KCNH8: variants seen among roughly 807,000 people sequenced by gnomAD.
The protein encoded by KCNH8 is potassium voltage-gated channel subfamily H member 8, also known as voltage-gated delayed rectifier potassium channel KCNH8.
A neutral mutation model predicts 103.6 loss-of-function variants in KCNH8; 70 were observed. The ratio of observed to expected loss-of-function variants is 0.68; its 90% CI spans 0.56 to 0.82. The LOEUF (loss-of-function observed/expected upper bound fraction) is 0.82, where lower values mean the gene tolerates loss of function less well. Among genes scored for constraint, KCNH8 ranks in the 40% least tolerant of loss-of-function variants. KCNH8 has a pLI of 0.00. For synonymous variants in KCNH8, 498 were observed against 489.4 expected (o/e 1.02, Z -0.23); for missense variants, 1,217 against 1,329.9 (o/e 0.92, Z 1.32).
chr3:19,251,151 C>T (rs2064271562), intron 1 of KCNH8, among the ~76,000 whole-genome samples: 1 of 152,098 alleles, frequency 6.6e-6, no homozygotes, highest in Admixed American at 6.6e-5. Context: ...TAGGAGGGTG[C>T]CCCCCTCTGG....
intron 11 of KCNH8, among the ~76,000 whole-genome samples, chr3:19,500,854 C>T (rs1160400675): frequency 2.0e-5 from 3 of 152,122 alleles, no homozygotes; most frequent in Non-Finnish European, 4.4e-5. Flanking sequence ...GACACCCTAA[C>T]ATGACAATTA....
At chr3:19,195,874 T>C (rs554889932) in intron 1 of KCNH8, among the ~76,000 whole-genome samples, 38 of 152,038 alleles carry the variant, frequency 2.5e-4, no homozygotes, top group Non-Finnish European at 4.7e-4. Flanking sequence ...TGGATTTTCC[T>C]GTTCCTTGGT....
intron 1 of KCNH8, among the ~76,000 whole-genome samples, chr3:19,246,128 T>G (rs1268649656): frequency 6.6e-6 from 1 of 152,106 alleles, no homozygotes; most frequent in Non-Finnish European, 1.5e-5. Context: ...CTTAATGAGC[T>G]TTCACCTTTG....
chr3:19,197,306 C>T (rs116297364), intron 1 of KCNH8, among the ~76,000 whole-genome samples: 320 of 152,030 alleles, frequency 2.1e-3, no homozygotes, highest in African/African-American at 7.3e-3. Context: ...TTTGTTTTCT[C>T]GGATTTAGTT....
intron 5 of KCNH8, among the ~76,000 whole-genome samples, chr3:19,369,053 T>A (rs2066051398): frequency 1.3e-5 from 2 of 152,178 alleles, no homozygotes; most frequent in Non-Finnish European, 2.9e-5. Context: ...TCTTAGTTTA[T>A]GGATACAGAA....
intron 2 of KCNH8, among the ~76,000 whole-genome samples, chr3:19,257,761 G>A (rs2064364760): frequency 6.6e-6 from 1 of 151,970 alleles, no homozygotes; most frequent in Non-Finnish European, 1.5e-5. Flanking sequence ...AGTTTGTTAG[G>A]GTTACCATTA....
intron 11 of KCNH8, among the ~76,000 whole-genome samples, chr3:19,506,541 T>A (rs928717283): frequency 6.6e-6 from 1 of 152,184 alleles, no homozygotes; most frequent in Non-Finnish European, 1.5e-5. Context: ...TCCTCATGAT[T>A]GCAGCTATGC....
chr3:19,455,315 C>T (rs2067514387), intron 10 of KCNH8, among the ~76,000 whole-genome samples: 1 of 152,150 alleles, frequency 6.6e-6, no homozygotes, highest in Non-Finnish European at 1.5e-5. Context: ...TAAATGTACT[C>T]TCCACAGAAC....
intron 3 of KCNH8, among the ~76,000 whole-genome samples, chr3:19,329,920 T>G (rs1231139186): frequency 6.9e-6 from 1 of 145,370 alleles, no homozygotes; most frequent in Non-Finnish European, 1.5e-5. Context: ...GGCTTTTAGC[T>G]TTTTTTTTTT....
At chr3:19,154,868 G>A (rs1400023084) in intron 1 of KCNH8, among the ~76,000 whole-genome samples, 2 of 152,208 alleles carry the variant, frequency 1.3e-5, no homozygotes, top group African/African-American at 2.4e-5. Flanking sequence ...TGCAAAGATA[G>A]TATGCTTCGC....
chr3:19,361,068 C>A (rs1449110929), intron 5 of KCNH8, among the ~76,000 whole-genome samples: 2 of 151,980 alleles, frequency 1.3e-5, no homozygotes, highest in Non-Finnish European at 2.9e-5. Flanking sequence ...AGTCTTCTGG[C>A]AAATTTGTTG....
intron 5 of KCNH8, among the ~76,000 whole-genome samples, chr3:19,362,006 G>A (rs1388145357): frequency 1.3e-5 from 2 of 152,124 alleles, no homozygotes; most frequent in Non-Finnish European, 2.9e-5. Flanking sequence ...AATGGGCAAA[G>A]AAGTAGCATT....
chr3:19,213,262 A>G (rs1360255584), intron 1 of KCNH8, among the ~76,000 whole-genome samples: 1 of 152,142 alleles, frequency 6.6e-6, no homozygotes, highest in Admixed American at 6.6e-5. Context: ...TATCTTTTTT[A>G]ATAGGAGTGT....
intron 2 of KCNH8, among the ~76,000 whole-genome samples, chr3:19,254,626 G>T (rs1489889075): frequency 6.6e-6 from 1 of 151,780 alleles, no homozygotes; most frequent in Admixed American, 6.6e-5. Context: ...TGGTACTTAG[G>T]GTAAATTTAA....
At chr3:19,274,974 A>G (rs1414510735) in intron 2 of KCNH8, among the ~76,000 whole-genome samples, 1 of 149,220 alleles carries the variant, frequency 6.7e-6, no homozygotes, top group Non-Finnish European at 1.5e-5. Flanking sequence ...GGAAGTATCC[A>G]TTAGAACATA....
At chr3:19,281,916 T>A (rs991888381) in intron 3 of KCNH8, among the ~76,000 whole-genome samples, 2 of 152,130 alleles carry the variant, frequency 1.3e-5, no homozygotes, top group Non-Finnish European at 2.9e-5. Flanking sequence ...TTGTATCTTC[T>A]GGTTATAATT....
At chr3:19,471,147 C>T (rs2067847762) in intron 11 of KCNH8, among the ~76,000 whole-genome samples, 1 of 152,160 alleles carries the variant, frequency 6.6e-6, no homozygotes, top group Non-Finnish European at 1.5e-5. Flanking sequence ...ATACCATGAA[C>T]AAGACAAAAA....
At chr3:19,373,177 G>C (rs1436971348) in intron 5 of KCNH8, among the ~76,000 whole-genome samples, 1 of 152,046 alleles carries the variant, frequency 6.6e-6, no homozygotes, top group African/African-American at 2.4e-5. Context: ...AATAGTTTCA[G>C]AAGGAATGGT....
At chr3:19,516,065 C>T (rs1575165897) in intron 14 of KCNH8, among the ~76,000 whole-genome samples, 1 of 151,968 alleles carries the variant, frequency 6.6e-6, no homozygotes, top group Non-Finnish European at 1.5e-5. Context: ...AGAAGACACA[C>T]CTGTATTTGA....
Sources: gnomAD v4.1 joint callset for allele counts (sites outside exome capture counted in the v4.1 genomes callset) on GRCh38, gnomAD v4.1.1 for gene constraint, MANE v1.5 for transcripts, NCBI Gene and HGNC (gene_info 2026-07-23, HGNC 2026-07-21) for gene names.